Variants in NBEAL1 observed in about 807,000 individuals in gnomAD.
NBEAL1 encodes the protein neurobeachin-like protein 1.
Under a neutral mutation model 351.3 loss-of-function variants are expected in NBEAL1, and 273 were observed. The observed-to-expected ratio is 0.78, with a 90% CI of 0.70 to 0.86. The LOEUF (loss-of-function observed/expected upper bound fraction) is 0.86. NBEAL1 is among the 40% of genes least tolerant of loss of function. The pLI is 0.00. For missense variants in NBEAL1, 2,961 were observed against 3,201.3 expected, an observed-to-expected ratio of 0.92 and a Z score of 1.81; for synonymous variants, 1,050 against 1,086.4, an observed-to-expected ratio of 0.97 and a Z score of 0.66.
At position 203,211,032 on chromosome 2, in the gene NBEAL1, A is replaced by T; in HGVS notation, c.7860A>T (p.Ser2620=). The T allele has an allele frequency of 6.2e-7, 1 of 1,607,316 alleles. No individual in the cohort carries two copies. The highest frequency in any genetic ancestry group is 8.5e-7 in the Non-Finnish European group (1 of 1,175,546). The change falls in exon 54 of 56, where the codon TCA becomes TCT. Residue 2620 remains serine (S), a synonymous_variant. Transcript: ENST00000683969. ...CTCAAATCCTGAAGGAACAAGTATC[A>T]GATATATGTATAATCGGAGAACACA... ...LGSQILKEQV[S]DICIIGEHIV... is the part of the protein sequence containing the mutation.
chr2:203,141,357 A>ATTTTTTTTT (rs1559399229), intron 31 of NBEAL1, among the ~76,000 whole-genome samples: 2 of 11,654 alleles, frequency 1.7e-4, no homozygotes, highest in African/African-American at 4.4e-4. Context: ...TATTATTATT[A>ATTTTTTTTT]TTATTATTAT....
At chr2:203,197,854 A>G (rs2105800858) in intron 48 of NBEAL1, among the ~76,000 whole-genome samples, 1 of 152,218 alleles carries the variant, frequency 6.6e-6, no homozygotes, top group South Asian at 2.1e-4. Flanking sequence ...GGTTGCAGTG[A>G]GCCAAGATCG....
chr2:203,180,064 G>C (rs1316236336), intron 42 of NBEAL1, among the ~76,000 whole-genome samples: 1 of 152,172 alleles, frequency 6.6e-6, no homozygotes, highest in Non-Finnish European at 1.5e-5. Context: ...GTGAGCCACT[G>C]TACCCAGCCC....
At chr2:203,114,520 A>G (rs779968094) in intron 17 of NBEAL1, among the ~76,000 whole-genome samples, 1 of 152,162 alleles carries the variant, frequency 6.6e-6, no homozygotes, top group African/African-American at 2.4e-5. Flanking sequence ...TCTTTTGGCT[A>G]TGATTTTAAA....
chr2:203,120,695 ATAT>A (rs2062809829), intron 18 of NBEAL1, among the ~76,000 whole-genome samples: 1 of 152,184 alleles, frequency 6.6e-6, no homozygotes, highest in Admixed American at 6.5e-5. Flanking sequence ...CAGAAGAGTA[ATAT>A]TATCGGATTC....
chr2:203,065,683 C>T lies in NBEAL1; in HGVS notation c.516-2710C>T, dbSNP rs1175957681. The stretch of plus-strand genomic sequence containing the variant: ...AGGAGGATGGTGTGAACCCAGGAGG[C>T]GGAGCTTGCAGTGAGCCGAGATTGC... On this transcript the variant is annotated intron_variant, in intron 6 of 55. Transcript: ENST00000683969. Among the ~76,000 whole-genome samples the T allele has an allele frequency of 9.2e-5, 14 of 151,822 alleles. No homozygotes were observed. In the East Asian group the frequency reaches 2.3e-3, roughly 25 times the overall value.
At chr2:203,018,725 T>C (rs1426530315) in intron 2 of NBEAL1, among the ~76,000 whole-genome samples, 2 of 152,188 alleles carry the variant, frequency 1.3e-5, no homozygotes, top group Non-Finnish European at 2.9e-5. Context: ...CAATTTTGAC[T>C]ATTACCAGCT....
At position 203,172,725 on chromosome 2, in the gene NBEAL1, T is replaced by C. The variant is rs377164942; in HGVS notation, c.6199-4T>C. On this transcript the variant is annotated splice_polypyrimidine_tract_variant and splice_region_variant and intron_variant, in intron 40 of 55. Coordinates refer to ENST00000683969, the MANE Select transcript of NBEAL1 (RefSeq NM_001378026.1). Reference sequence around the variant, plus strand: ...GTCTAAATTGTAAATTATGGCTCTTTTAGTTTCCCTGGATTTTACAAGATT... The same window carrying C: ...GTCTAAATTGTAAATTATGGCTCTTCTAGTTTCCCTGGATTTTACAAGATT... 1.1e-5 allele frequency: 18 copies of C among 1,603,320 alleles called. No homozygotes were observed. Among genetic ancestry groups the C allele is most frequent in the Non-Finnish European group, 1.4e-5 (17 of 1,175,734 alleles).
intron 10 of NBEAL1, among the ~76,000 whole-genome samples, chr2:203,092,066 C>T (rs758080028): frequency 6.6e-5 from 10 of 152,062 alleles, no homozygotes; most frequent in Non-Finnish European, 8.8e-5. Flanking sequence ...AGTAGAATTA[C>T]TAGGTCATAG....
chr2:203,191,788 G>A (rs528713321), intron 46 of NBEAL1, among the ~76,000 whole-genome samples: 154 of 152,270 alleles, frequency 1.0e-3, no homozygotes, highest in African/African-American at 3.6e-3. Flanking sequence ...TTTCTAGCAT[G>A]CCATGTTTCC....
intron 1 of NBEAL1, among the ~76,000 whole-genome samples, chr2:203,015,309 G>C (rs999227759): frequency 2.6e-4 from 39 of 152,188 alleles, no homozygotes; most frequent in Non-Finnish European, 1.8e-4. Context: ...CCTCGCCGGT[G>C]TGTGCGTGCC....
At chr2:203,067,465 T>C (rs1014777367) in intron 6 of NBEAL1, among the ~76,000 whole-genome samples, 1 of 152,232 alleles carries the variant, frequency 6.6e-6, no homozygotes, top group Non-Finnish European at 1.5e-5. Flanking sequence ...GCTTATCCTA[T>C]GTGGTTTGTT....
Position 203,207,674 on chromosome 2 carries a change from C to T in NBEAL1, c.7507-963C>T, listed in dbSNP as rs979930348. Among the ~76,000 whole-genome samples the T allele has an allele frequency of 4.6e-5, 7 of 152,216 alleles. No individual in the cohort carries two copies. In the East Asian group the frequency reaches 5.8e-4, roughly 13 times the overall value. On this transcript the variant is annotated intron_variant, in intron 51 of 55. Coordinates refer to ENST00000683969, the MANE Select transcript of NBEAL1 (RefSeq NM_001378026.1). ...CACTCAGGGTTAAATGGATTAAGGG[C>T]GGTGCAAGATGTGCTTTGTTAAACA...
chr2:203,083,208 T>C lies in NBEAL1; in HGVS notation c.685-11T>C, dbSNP rs2061903517. The C allele has an allele frequency of 2.6e-6, 4 of 1,545,550 alleles. No homozygotes were observed. The highest frequency in any genetic ancestry group is 2.6e-6 in the Non-Finnish European group (3 of 1,143,912). On this transcript the variant is annotated splice_polypyrimidine_tract_variant and intron_variant, in intron 8 of 55. Coordinates refer to ENST00000683969, the MANE Select transcript of NBEAL1 (RefSeq NM_001378026.1). ...GTTTAGGTTTCATTTTTATTGTCTC[T>C]AATGTTTCAGAGGAATGCTTTGCAA...
intron 7 of NBEAL1, among the ~76,000 whole-genome samples, chr2:203,070,425 A>G (rs1309545323): frequency 7.4e-6 from 1 of 135,352 alleles, no homozygotes; most frequent in East Asian, 2.1e-4. Flanking sequence ...GTGCTATGGT[A>G]TAATCATAGC....
chr2:203,208,605 C>T (rs2065677569), intron 51 of NBEAL1, 32 bp from the exon 52 acceptor site: 1 of 1,500,032 alleles, frequency 6.7e-7, no homozygotes, highest in Non-Finnish European at 9.2e-7. Context: ...CAAGAAACCA[C>T]CTTTACCTTT....
chr2:203,169,998 TC>T (rs2064270140), intron 39 of NBEAL1, 147 bp downstream of exon 39: 1 of 580,114 alleles, frequency 1.7e-6, no homozygotes. Context: ...TTCCTTTGTT[TC>T]CCTCACACAG....
chr2:203,074,394 C>G (rs761217426), intron 7 of NBEAL1, among the ~76,000 whole-genome samples: 6 of 134,930 alleles, frequency 4.4e-5, no homozygotes, highest in Non-Finnish European at 9.1e-5. Flanking sequence ...GTGGCACGAT[C>G]TTGGCTCACT....
chr2:203,140,662 T>C (rs2063343601), intron 31 of NBEAL1, among the ~76,000 whole-genome samples: 1 of 152,144 alleles, frequency 6.6e-6, no homozygotes, highest in African/African-American at 2.4e-5. Context: ...TTTTTAAATA[T>C]ATGAACTAAG....
Sources: allele counts gnomAD v4.1 joint callset (sites outside exome capture counted in the v4.1 genomes callset), GRCh38; gene constraint gnomAD v4.1.1; transcripts MANE v1.5; gene names NCBI Gene and HGNC (gene_info 2026-07-23, HGNC 2026-07-21).